Variants in HS3ST3A1 observed in about 807,000 individuals in gnomAD.
HS3ST3A1 encodes the protein heparan sulfate-glucosamine 3-sulfotransferase 3A1.
In HS3ST3A1, 19 loss-of-function variants were observed where a neutral mutation model predicts 25.7. The ratio of observed to expected loss-of-function variants is 0.74; its 90% CI spans 0.52 to 1.08. HS3ST3A1 has a LOEUF of 1.08. Ranked by LOEUF, HS3ST3A1 falls within the 50% of genes least tolerant of loss-of-function variation. The pLI is 0.00. For synonymous variants in HS3ST3A1, 226 were observed against 278.6 expected, an observed-to-expected ratio of 0.81 and a Z score of 1.88; for missense variants, 459 against 594.3, an observed-to-expected ratio of 0.77 and a Z score of 2.37.
chr17:13,563,234 CA>C (rs747799632), intron 1 of HS3ST3A1, among the ~76,000 whole-genome samples: 17 of 151,860 alleles, frequency 1.1e-4, no homozygotes, highest in Middle Eastern at 3.4e-3. Flanking sequence ...AGGGTAGAAC[CA>C]CATCATCAAT....
intron 1 of HS3ST3A1, among the ~76,000 whole-genome samples, chr17:13,540,041 G>C (rs980991939): frequency 3.3e-5 from 5 of 152,184 alleles, no homozygotes; most frequent in Admixed American, 6.5e-5. Context: ...TGCAGATCAA[G>C]ACTGATAGAC....
At chr17:13,506,319 T>C (rs1055166604) in intron 1 of HS3ST3A1, among the ~76,000 whole-genome samples, 9 of 152,128 alleles carry the variant, frequency 5.9e-5, no homozygotes, top group African/African-American at 2.2e-4. Context: ...GATTTCTTCA[T>C]AAACAAAAAA....
intron 1 of HS3ST3A1, among the ~76,000 whole-genome samples, chr17:13,560,219 G>A (rs1241024299): frequency 6.9e-6 from 1 of 143,892 alleles, no homozygotes; most frequent in Non-Finnish European, 1.5e-5. Context: ...GAACCCGAGA[G>A]GTGGAGGTTG....
At chr17:13,539,420 C>T (rs182708139) in intron 1 of HS3ST3A1, among the ~76,000 whole-genome samples, 1 of 152,298 alleles carries the variant, frequency 6.6e-6, no homozygotes, top group East Asian at 1.9e-4. Flanking sequence ...TTTCTCAACC[C>T]TAGCGTGGAT....
intron 1 of HS3ST3A1, among the ~76,000 whole-genome samples, chr17:13,565,330 G>A (rs753212345): frequency 6.6e-6 from 1 of 152,052 alleles, no homozygotes; most frequent in African/African-American, 2.4e-5. Context: ...CCAGGAGTTC[G>A]AGACAAGCTT....
At chr17:13,529,904 A>G (rs866933272) in intron 1 of HS3ST3A1, among the ~76,000 whole-genome samples, 5 of 152,076 alleles carry the variant, frequency 3.3e-5, no homozygotes, top group African/African-American at 1.2e-4. Flanking sequence ...CATGAATTGT[A>G]TTATATATTA....
At chr17:13,596,255 C>T (rs1908572888) in intron 1 of HS3ST3A1, among the ~76,000 whole-genome samples, 1 of 152,016 alleles carries the variant, frequency 6.6e-6, no homozygotes, top group Non-Finnish European at 1.5e-5. Flanking sequence ...TGTTTAATGC[C>T]CGGACTATGA....
intron 1 of HS3ST3A1, among the ~76,000 whole-genome samples, chr17:13,526,522 G>C (rs1906435147): frequency 8.9e-6 from 1 of 112,264 alleles, no homozygotes; most frequent in African/African-American, 3.3e-5. Context: ...ATATTATTGG[G>C]TTGGTCTGTG....
intron 1 of HS3ST3A1, among the ~76,000 whole-genome samples, chr17:13,544,748 A>C (rs963485358): frequency 1.4e-5 from 2 of 141,426 alleles, no homozygotes; most frequent in African/African-American, 5.4e-5. Flanking sequence ...GTTTTCTAAG[A>C]GGATCTGCAA....
At chr17:13,536,446 C>T (rs1209788318) in intron 1 of HS3ST3A1, among the ~76,000 whole-genome samples, 1 of 152,212 alleles carries the variant, frequency 6.6e-6, no homozygotes, top group Non-Finnish European at 1.5e-5. Flanking sequence ...AAGCTTTCTG[C>T]TCCCCATCTC....
At chr17:13,522,937 T>A (rs1244736631) in intron 1 of HS3ST3A1, among the ~76,000 whole-genome samples, 1 of 150,600 alleles carries the variant, frequency 6.6e-6, no homozygotes, top group African/African-American at 2.5e-5. Context: ...GTGGTAACCA[T>A]AGAACACAGA....
At chr17:13,541,722 C>T (rs1009451265) in intron 1 of HS3ST3A1, among the ~76,000 whole-genome samples, 2 of 152,126 alleles carry the variant, frequency 1.3e-5, no homozygotes, top group Non-Finnish European at 2.9e-5. Context: ...CTTTGAACAT[C>T]GTGACCAGAT....
At chr17:13,549,965 T>C (rs1412481945) in intron 1 of HS3ST3A1, among the ~76,000 whole-genome samples, 1 of 152,202 alleles carries the variant, frequency 6.6e-6, no homozygotes, top group Non-Finnish European at 1.5e-5. Context: ...AAATATTCTA[T>C]GGAAAGAAGG....
At chr17:13,545,831 C>T (rs375960551) in intron 1 of HS3ST3A1, among the ~76,000 whole-genome samples, 166 of 152,056 alleles carry the variant, frequency 1.1e-3, no homozygotes, top group African/African-American at 3.4e-3. Context: ...AAAAATTAGC[C>T]GGGTGTGGTG....
At chr17:13,499,159 T>C (rs1905377900) in intron 1 of HS3ST3A1, among the ~76,000 whole-genome samples, 1 of 152,204 alleles carries the variant, frequency 6.6e-6, no homozygotes, top group Non-Finnish European at 1.5e-5. Context: ...AGTTTGGTGT[T>C]GACACAAAGG....
intron 1 of HS3ST3A1, among the ~76,000 whole-genome samples, chr17:13,514,597 A>C (rs546063894): frequency 9.9e-5 from 15 of 152,248 alleles, no homozygotes; most frequent in African/African-American, 3.6e-4. Flanking sequence ...TAATTATTGC[A>C]ATTTGGCTGG....
At chr17:13,519,187 T>A (rs992789986) in intron 1 of HS3ST3A1, among the ~76,000 whole-genome samples, 4 of 152,230 alleles carry the variant, frequency 2.6e-5, no homozygotes, top group African/African-American at 9.6e-5. Flanking sequence ...CTCTGCTTAA[T>A]GTGTTCTTAA....
intron 1 of HS3ST3A1, among the ~76,000 whole-genome samples, chr17:13,560,807 T>C (rs1907524353): frequency 6.6e-6 from 1 of 152,224 alleles, no homozygotes; most frequent in South Asian, 2.1e-4. Flanking sequence ...CTTATTAAAA[T>C]GTTTTCTTCT....
intron 1 of HS3ST3A1, among the ~76,000 whole-genome samples, chr17:13,594,408 T>A (rs8065036): frequency 0.13 from 19,189 of 152,208 alleles, 1,268 homozygotes; most frequent in Non-Finnish European, 0.14. Flanking sequence ...AGCTGTCCCG[T>A]GTGTGGTGGA....
Sources: allele counts gnomAD v4.1 joint callset (sites outside exome capture counted in the v4.1 genomes callset), GRCh38; gene constraint gnomAD v4.1.1; transcripts MANE v1.5; gene names NCBI Gene and HGNC (gene_info 2026-07-23, HGNC 2026-07-21).